Variants in ZNF850 observed in about 807,000 individuals in gnomAD.
ZNF850 encodes the protein putative zinc finger protein ENSP00000330994.
In ZNF850, 2 loss-of-function variants were observed where a neutral mutation model predicts 11.9. That is an observed-to-expected ratio of 0.17 (90% CI 0.07 to 0.53). ZNF850 has a LOEUF of 0.53. Ranked by LOEUF, ZNF850 falls within the 20% of genes least tolerant of loss-of-function variation. ZNF850 has a pLI of 0.94. For synonymous variants in ZNF850, 381 were observed against 443.0 expected, an observed-to-expected ratio of 0.86 and a Z score of 1.76; for missense variants, 1,014 against 1,316.4, an observed-to-expected ratio of 0.77 and a Z score of 3.55.
chr19:36,755,028 C>T (rs1369639042), intron 4 of ZNF850, among the ~76,000 whole-genome samples: 1 of 152,092 alleles, frequency 6.6e-6, no homozygotes, highest in East Asian at 1.9e-4. Flanking sequence ...AATCCCCACC[C>T]CCACAAAAAC....
chr19:36,750,222 C>A lies in ZNF850; in HGVS notation c.818G>T (p.Arg273Ile). 1 of 1,538,708 alleles carries A rather than the reference C, an allele frequency of 6.5e-7. No individual in the cohort carries two copies. Among genetic ancestry groups the A allele is most frequent in the Non-Finnish European group, 8.7e-7 (1 of 1,146,922 alleles). The change falls in exon 5 of 5, where the codon AGA (arginine) becomes ATA (isoleucine). Residue 273 changes from arginine to isoleucine, a missense_variant. By Grantham distance (97) the Arg-to-Ile change is moderately conservative. This residue lies in a region of ZNF850 where 835 missense variants were observed against 1,022.0 expected (regional missense o/e 0.82). Coordinates refer to ENST00000591344, the MANE Select transcript of ZNF850 (RefSeq NM_001193552.2). ...RPSAHLIQHW[R>I]IHTGDKPYEC... is the part of the protein sequence containing the mutation. ...ATAAGGTTTGTCACCAGTATGAATTCTCCAATGTTGAATAAGATGTGCAGA... is the reference window on the plus strand; with the variant it reads ...ATAAGGTTTGTCACCAGTATGAATTATCCAATGTTGAATAAGATGTGCAGA...
In ZNF850 at chr19:36,770,703, C is replaced by CAAAAAAA. The variant is rs567709722; in HGVS notation, c.-70+2015_-70+2021dup. On this transcript the variant is annotated intron_variant, in intron 1 of 4. Transcript: ENST00000591344. ...TCTGGGCGACAGAGAGAGACTCCATCAAAAAAAAAAAAAAAAAAAAAAAAA... is the reference window on the plus strand; with the variant it reads ...TCTGGGCGACAGAGAGAGACTCCATCAAAAAAAAAAAAAAAAAAAAAAAAAAAAAAAA... 8.1e-3 allele frequency among the ~76,000 whole-genome samples: 535 copies of CAAAAAAA among 66,404 alleles called. 90 individuals are homozygous for CAAAAAAA. Among genetic ancestry groups the CAAAAAAA allele is most frequent in the Non-Finnish European group, 0.011 (345 of 31,858 alleles). 43.6% of individuals were successfully genotyped at this position (66,404 alleles called of 152,430 possible). A position where few individuals can be genotyped will look rare whatever the true frequency, so the allele number is the denominator to read the frequency against.
chr19:36,762,045 C>CAAAAAA (rs374193379), intron 3 of ZNF850, among the ~76,000 whole-genome samples: 1 of 114,246 alleles, frequency 8.8e-6, no homozygotes, highest in African/African-American at 3.4e-5. Context: ...GACTTTGTCT[C>CAAAAAA]AAAAAAAAAA....
Position 36,749,154 on chromosome 19 carries a change from C to T in ZNF850, c.1886G>A (p.Arg629His), listed in dbSNP as rs749905555. Residue 629 changes from arginine to histidine, a missense_variant, in exon 5 of 5, where the codon CGT becomes CAT. Physicochemically the swap from Arg to His is conservative, Grantham distance 29. This residue lies in a region of ZNF850 where 835 missense variants were observed against 1,022.0 expected (regional missense o/e 0.82). Transcript: ENST00000591344. ...CKECGKAFRL[R>H]LRLTQHQQIH... ...TTGTTGATGTTGAGTAAGTCGTAAACGAAGTCTAAAGGCCTTCCCACATTC... is the reference window on the plus strand; with the variant it reads ...TTGTTGATGTTGAGTAAGTCGTAAATGAAGTCTAAAGGCCTTCCCACATTC... 5.1e-5 allele frequency: 82 copies of T among 1,603,076 alleles called. No homozygotes were observed. The highest frequency in any genetic ancestry group is 1.7e-4 in the Middle Eastern group (1 of 6,056).
At chr19:36,764,118 G>A (rs1328618408) in intron 1 of ZNF850, among the ~76,000 whole-genome samples, 4 of 152,188 alleles carry the variant, frequency 2.6e-5, no homozygotes, top group Non-Finnish European at 4.4e-5. Flanking sequence ...GGTGGCACAC[G>A]CCTATAGTCC....
chr19:36,761,694 C>T lies in ZNF850; in HGVS notation c.184G>A (p.Gly62Arg). The T allele has an allele frequency of 6.4e-7, 1 of 1,562,682 alleles. No individual in the cohort carries two copies. The highest frequency in any genetic ancestry group is 8.6e-7 in the Non-Finnish European group (1 of 1,160,416). Residue 62 changes from glycine to arginine, a missense_variant, in exon 4 of 5, where the codon GGG (glycine) becomes AGG (arginine). Transcript: ENST00000591344. ...KPDVISLLEQ[G>R]KEPWMVSRDV... ...CTTGAAACCATCCAGGGCTCTTTCC[C>T]TTGCTCCAGTAAGGAAATCACATCA...
intron 1 of ZNF850, among the ~76,000 whole-genome samples, chr19:36,768,158 A>G (rs1468974495): frequency 6.6e-6 from 1 of 151,862 alleles, no homozygotes; most frequent in Non-Finnish European, 1.5e-5. Flanking sequence ...GTGAACTGTG[A>G]CCACCCCACT....
chr19:36,750,897 ATG>A, intron 4 of ZNF850, 93 bp from the exon 5 acceptor site: 1 of 1,303,302 alleles, frequency 7.7e-7, no homozygotes, highest in Non-Finnish European at 1.0e-6. Context: ...ACTGAAAATA[ATG>A]TCCTTAAGAA....
intron 1 of ZNF850, 37 bp from the exon 2 acceptor site, chr19:36,762,712 C>A: frequency 1.6e-6 from 2 of 1,231,050 alleles, no homozygotes; most frequent in Non-Finnish European, 1.1e-6. Context: ...TATTATTTCC[C>A]AAATAAATGA....
chr19:36,750,420 T>C lies in ZNF850; in HGVS notation c.620A>G (p.His207Arg), dbSNP rs192172039. Residue 207 changes from histidine (H) to arginine (R), a missense_variant, in exon 5 of 5, where the codon CAT (histidine) becomes CGT (arginine). Coordinates refer to ENST00000591344, the MANE Select transcript of ZNF850 (RefSeq NM_001193552.2). ...ATGTTTAACAAGATAGGAAAAGTGA[T>C]GAAAGGCCTTCCCACACTCCTTACA... ...YKCKECGKAFHHFSYLVKHQR... is the reference protein window; with the variant it reads ...YKCKECGKAFRHFSYLVKHQR... 9.8e-4 allele frequency: 1,512 copies of C among 1,536,636 alleles called. 5 individuals carry two copies. Among genetic ancestry groups the C allele is most frequent in the Non-Finnish European group, 1.3e-3 (1,434 of 1,146,956 alleles).
intron 3 of ZNF850, among the ~76,000 whole-genome samples, chr19:36,761,953 GGA>G (rs1465524717): frequency 6.6e-6 from 1 of 151,744 alleles, no homozygotes; most frequent in East Asian, 1.9e-4. Flanking sequence ...GGCTGAGGCA[GGA>G]GAGTCGCTTG....
chr19:36,759,452 G>A (rs1383993668), intron 4 of ZNF850, among the ~76,000 whole-genome samples: 1 of 152,134 alleles, frequency 6.6e-6, no homozygotes, highest in Non-Finnish European at 1.5e-5. Context: ...TCCAGCATGG[G>A]CAACAGAGAG....
intron 1 of ZNF850, among the ~76,000 whole-genome samples, chr19:36,763,162 A>T (rs1249847259): frequency 6.6e-6 from 1 of 151,794 alleles, no homozygotes; most frequent in Non-Finnish European, 1.5e-5. Context: ...AAGTGCTGGG[A>T]TTACAGGCAT....
At chr19:36,760,959 G>C (rs941011671) in intron 4 of ZNF850, among the ~76,000 whole-genome samples, 14 of 151,924 alleles carry the variant, frequency 9.2e-5, no homozygotes, top group African/African-American at 3.4e-4. Flanking sequence ...TTAAGGATCA[G>C]TATGAAAAAT....
chr19:36,755,088 C>T lies in ZNF850; in HGVS notation c.236-4284G>A, dbSNP rs140713651. On this transcript the variant is annotated intron_variant, in intron 4 of 4. Transcript: ENST00000591344. Reference sequence around the variant, plus strand: ...GTAAGTCTGAACACACTTCCAGAAACTGGTCTCATACTGACCATGTAAATA... The same window carrying T: ...GTAAGTCTGAACACACTTCCAGAAATTGGTCTCATACTGACCATGTAAATA... Among the ~76,000 whole-genome samples the T allele has an allele frequency of 2.4e-3, 363 of 152,252 alleles. 1 individual carries two copies. The highest frequency in any genetic ancestry group is 8.4e-3 in the African/African-American group (347 of 41,544).
At position 36,744,920 on chromosome 19, in the gene ZNF850, C is replaced by G. The variant is rs1012296622; in HGVS notation, c.*2847G>C. The G allele has an allele frequency of 6.6e-6, 1 of 152,088 alleles. No individual in the cohort carries two copies. The highest frequency in any genetic ancestry group is 1.5e-5 in the Non-Finnish European group (1 of 68,060). 9.4% of individuals were successfully genotyped at this position (152,088 alleles called of 1,614,324 possible). ...GGGTCATGAGGTCAGGAGATTGAGA[C>G]CATCCTGGCTAACATGGTGAAATTC... On this transcript the variant is annotated 3_prime_UTR_variant, in exon 5 of 5. Transcript: ENST00000591344.
At position 36,749,717 on chromosome 19, in the gene ZNF850, T is replaced by A; in HGVS notation, c.1323A>T (p.Arg441=). The A allele has an allele frequency of 1.3e-6, 2 of 1,559,810 alleles. No individual in the cohort carries two copies. The highest frequency in any genetic ancestry group is 1.7e-6 in the Non-Finnish European group (2 of 1,154,438). The change falls in exon 5 of 5, where the codon CGA becomes CGT. Residue 441 remains arginine (R), a synonymous_variant. Coordinates refer to ENST00000591344, the MANE Select transcript of ZNF850 (RefSeq NM_001193552.2). The part of the protein sequence containing the change: ...TAGSTLIQHQ[R]IHTGEKPYDC... ...CATAGGGTTTCTCACCAGTGTGAAT[T>A]CGCTGATGTTGAATTAGTGTTGAGC... is the stretch of plus-strand genomic sequence containing the variant.
chr19:36,758,826 C>A (rs2040501781), intron 4 of ZNF850, among the ~76,000 whole-genome samples: 1 of 152,038 alleles, frequency 6.6e-6, no homozygotes, highest in Non-Finnish European at 1.5e-5. Context: ...TGTCTGTAAT[C>A]CCAGCATTTT....
chr19:36,752,593 A>C lies in ZNF850; in HGVS notation c.236-1789T>G, dbSNP rs527782077. Among the ~76,000 whole-genome samples the C allele has an allele frequency of 1.2e-4, 18 of 152,296 alleles. No individual in the cohort carries two copies. The South Asian group carries it at 3.5e-3, about 30-fold the overall frequency. On this transcript the variant is annotated intron_variant, in intron 4 of 4. Coordinates refer to ENST00000591344, the MANE Select transcript of ZNF850 (RefSeq NM_001193552.2). ...ATGGCTGCTAACTTCACAAAAACAG[A>C]AACAACCAGATATGTGCTTCTTGAT...
Sources: gnomAD v4.1 joint callset for allele counts (sites outside exome capture counted in the v4.1 genomes callset) on GRCh38, gnomAD v4.1.1 for gene constraint, gnomAD v4.1.1 regional missense constraint, MANE v1.5 for transcripts, NCBI Gene and HGNC (gene_info 2026-07-23, HGNC 2026-07-21) for gene names.